Variants in CCNL2 observed in about 807,000 individuals in gnomAD.
CCNL2 encodes the protein cyclin L2.
A neutral mutation model predicts 59.1 loss-of-function variants in CCNL2; 28 were observed. The observed-to-expected ratio is 0.47, with a 90% CI of 0.35 to 0.65. CCNL2 has a LOEUF of 0.65. Ranked by LOEUF, CCNL2 falls within the 30% of genes least tolerant of loss-of-function variation. The pLI is 0.00. For missense variants in CCNL2, 714 were observed against 717.4 expected (o/e 1.00, Z 0.05); for synonymous variants, 342 against 288.6 (o/e 1.19, Z -1.88).
At chr1:1,396,192 A>C (rs1285218343) in intron 3 of CCNL2, among the ~76,000 whole-genome samples, 1 of 104,444 alleles carries the variant, frequency 9.6e-6, no homozygotes, top group Non-Finnish European at 1.7e-5. Flanking sequence ...CCGTCTCAGA[A>C]AAAAAAAAAA....
intron 3 of CCNL2, 121 bp from the exon 4 acceptor site, chr1:1,395,635 A>T: frequency 7.1e-7 from 1 of 1,403,256 alleles, no homozygotes; most frequent in Non-Finnish European, 9.8e-7. Context: ...ATCGCTATGA[A>T]GTCCACATCC....
At chr1:1,394,018 C>G (rs551554405) in intron 4 of CCNL2, among the ~76,000 whole-genome samples, 2 of 151,748 alleles carry the variant, frequency 1.3e-5, no homozygotes, top group East Asian at 3.9e-4. Context: ...CCCAGGTACT[C>G]AGGAGGCTGA....
chr1:1,392,982 T>A, intron 5 of CCNL2: 1 of 668,036 alleles, frequency 1.5e-6, no homozygotes, highest in Non-Finnish European at 2.6e-6. Context: ...GGTTCCTTTC[T>A]AGCACATGCA....
Position 1,387,881 on chromosome 1 carries a change from A to G in CCNL2, c.1119-12T>C. On this transcript the variant is annotated splice_polypyrimidine_tract_variant and intron_variant, in intron 9 of 10. Coordinates refer to ENST00000400809, the MANE Select transcript of CCNL2 (RefSeq NM_030937.6). ...GCCCCTTTGGCAAGCTGTGAACAGG[A>G]CAGGAGCCAGTTACAAAGCAGAAGT... is the stretch of plus-strand genomic sequence containing the variant. 1 of 1,613,838 alleles carries G rather than the reference A, an allele frequency of 6.2e-7. No homozygotes were observed. The highest frequency in any genetic ancestry group is 8.5e-7 in the Non-Finnish European group (1 of 1,179,990).
In CCNL2 at chr1:1,398,175, A is replaced by T. The variant is rs955299705; in HGVS notation, c.473+58T>A. ...TGTTATACAAGCCTTACTGTAACTT[A>T]ATCAGAAATAAAGAAAATAGGCATC... On this transcript the variant is annotated intron_variant, in intron 3 of 10. Transcript: ENST00000400809. 14 of 1,513,052 alleles carry T rather than the reference A, an allele frequency of 9.3e-6. No individual in the cohort carries two copies. In the South Asian group the frequency reaches 1.2e-4, roughly 13 times the overall value. The allele number at this position is 1,513,052 out of a possible 1,614,324, so 93.7% of individuals were successfully genotyped here. A position where few individuals can be genotyped will look rare whatever the true frequency, so the allele number is the denominator to read the frequency against.
At chr1:1,390,417 C>A in intron 7 of CCNL2, 42 bp downstream of exon 7, 1 of 1,610,756 alleles carries the variant, frequency 6.2e-7, no homozygotes, top group South Asian at 1.1e-5. Context: ...TGTTTCTGGC[C>A]AAACACAAAC....
rs1199091671 is a variant in CCNL2 at position 1,387,813 on chromosome 1, G to T, written c.1175C>A (p.Ser392Ter). 6.2e-7 allele frequency: 1 copy of T among 1,613,034 alleles called. No individual in the cohort carries two copies. Among genetic ancestry groups the T allele is most frequent in the African/African-American group, 1.3e-5 (1 of 74,856 alleles). Residue 392 changes from serine to a stop codon, truncating the protein, a stop_gained, in exon 10 of 11, where the codon TCG becomes TAG. Coordinates refer to ENST00000400809, the MANE Select transcript of CCNL2 (RefSeq NM_030937.6). LOFTEE classifies it high-confidence loss of function. ...SRSRSREQSYSRSPSRSASPK... is the reference protein window; with the variant it reads ...SRSRSREQSY ...AGACGCTGATCGGGATGGGGACCTC[G>T]AGTAGCTCTGCTCACGGCTCCGGCT...
intron 3 of CCNL2, among the ~76,000 whole-genome samples, chr1:1,397,967 G>A (rs182254182): frequency 1.3e-5 from 2 of 152,204 alleles, no homozygotes; most frequent in Admixed American, 6.5e-5. Flanking sequence ...CAGCAGGGCC[G>A]TGCACTGACA....
intron 1 of CCNL2, 60 bp from the exon 2 acceptor site, chr1:1,398,731 A>G (rs559536675): frequency 6.7e-6 from 10 of 1,493,884 alleles, no homozygotes; most frequent in South Asian, 4.5e-5. Context: ...TCGCGGCCGA[A>G]AGTCATCGAG....
rs1428689151 is a variant in CCNL2, at chr1:1,390,614, G to GC, written c.760-52dup. 2.0e-6 allele frequency: 3 copies of GC among 1,529,562 alleles called. No individual in the cohort carries two copies. The South Asian group carries it at 3.4e-5, about 17-fold the overall frequency. The allele number at this position is 1,529,562 out of a possible 1,614,324, so 94.7% of individuals were successfully genotyped here. On this transcript the variant is annotated intron_variant, in intron 6 of 10. Coordinates refer to ENST00000400809, the MANE Select transcript of CCNL2 (RefSeq NM_030937.6). ...TACACTTTCCTCAACTTCACGGCCA[G>GC]CAAGACTCAGGACAATTAAAAAACA...
intron 3 of CCNL2, 152 bp downstream of exon 3, chr1:1,398,081 G>T: frequency 1.4e-6 from 1 of 694,182 alleles, no homozygotes; most frequent in Non-Finnish European, 2.4e-6. Flanking sequence ...CTCTGAGCAG[G>T]CTCTGTTGGT....
Position 1,399,137 on chromosome 1 carries a change from T to C in CCNL2, c.170A>G (p.Asp57Gly). 1 of 1,612,198 alleles carries C rather than the reference T, an allele frequency of 6.2e-7. No individual in the cohort carries two copies. Among genetic ancestry groups the C allele is most frequent in the Non-Finnish European group, 8.5e-7 (1 of 1,179,494 alleles). Residue 57 changes from aspartate to glycine, a missense_variant, in exon 1 of 11, where the codon GAC (aspartate) becomes GGC (glycine). Transcript: ENST00000400809. Reference protein sequence around the residue: ...ITLENCLLPDDKLRFTPSMSS... With the variant: ...ITLENCLLPDGKLRFTPSMSS... ...CATGGACGGCGTGAAACGGAGCTTG[T>C]CGTCAGGCAGGAGGCAGTTCTCCAA... is the stretch of plus-strand genomic sequence containing the variant.
chr1:1,395,801 T>C (rs896639423), intron 3 of CCNL2, among the ~76,000 whole-genome samples: 2 of 152,184 alleles, frequency 1.3e-5, no homozygotes, highest in African/African-American at 4.8e-5. Context: ...GTGGCACAAA[T>C]GCTAAAGCAC....
At chr1:1,394,149 A>G (rs1021841852) in intron 4 of CCNL2, among the ~76,000 whole-genome samples, 7 of 152,030 alleles carry the variant, frequency 4.6e-5, no homozygotes, top group African/African-American at 1.2e-4. Context: ...AAGCACTTCA[A>G]TCTGTGGTGG....
chr1:1,387,956 G>A lies in CCNL2; in HGVS notation c.1116C>T (p.Asn372=), dbSNP rs143382296. 153 of 1,613,932 alleles carry A rather than the reference G, an allele frequency of 9.5e-5. 1 individual carries two copies. In the African/African-American group the frequency reaches 1.5e-3, roughly 16 times the overall value. The stretch of plus-strand genomic sequence containing the variant: ...CCTGGGCAGCCCTGGGGTCCTACCC[G>A]TTCACGGGGCTGTCCGCCTTGGCTT... ...AKKAKADSPV[N]GLPKGRESRS... The change falls in exon 9 of 11, where the codon AAC becomes AAT. Residue 372 remains asparagine (N), a splice_region_variant and synonymous_variant. Coordinates refer to ENST00000400809, the MANE Select transcript of CCNL2 (RefSeq NM_030937.6).
At chr1:1,391,174 C>T in intron 5 of CCNL2, 1 of 1,160,268 alleles carries the variant, frequency 8.6e-7, no homozygotes, top group Non-Finnish European at 1.1e-6. Context: ...TCCCCTCAAC[C>T]TTGGCCTGCT....
At chr1:1,395,723 C>T (rs953125267) in intron 3 of CCNL2, among the ~76,000 whole-genome samples, 1 of 152,184 alleles carries the variant, frequency 6.6e-6, no homozygotes, top group African/African-American at 2.4e-5. Context: ...TCCCTCCCTG[C>T]TTTTCCTTAT....
intron 8 of CCNL2, chr1:1,389,141 G>C (rs1001771090): frequency 1.3e-5 from 2 of 156,024 alleles, no homozygotes; most frequent in Non-Finnish European, 2.8e-5. Context: ...GGGAGGCCGA[G>C]GCGGGTGGAT....
At position 1,387,180 on chromosome 1, in the gene CCNL2, C is replaced by A. The variant is rs768219509; in HGVS notation, c.*51G>T. ...CCACCGGGGGTCAAAGGGCAGCCAT[C>A]AGGTACTCCCCAGGGAAGGGCTTGC... On this transcript the variant is annotated 3_prime_UTR_variant, in exon 11 of 11. Coordinates refer to ENST00000400809, the MANE Select transcript of CCNL2 (RefSeq NM_030937.6). The A allele has an allele frequency of 2.7e-6, 4 of 1,476,288 alleles. No individual in the cohort carries two copies. The highest frequency in any genetic ancestry group is 3.5e-5 in the Admixed American group (2 of 56,580). 91.4% of individuals were successfully genotyped at this position (1,476,288 alleles called of 1,614,324 possible).
Sources: gnomAD v4.1 joint callset for allele counts (sites outside exome capture counted in the v4.1 genomes callset) on GRCh38, gnomAD v4.1.1 for gene constraint, MANE v1.5 for transcripts, NCBI Gene and HGNC (gene_info 2026-07-23, HGNC 2026-07-21) for gene names.